The following RNF150 variants were observed in gnomAD, a reference collection of about 807,000 sequenced individuals.
RNF150 encodes ring finger protein 150.
In RNF150, 24 loss-of-function variants were observed where a neutral mutation model predicts 39.3. The ratio of observed to expected loss-of-function variants is 0.61; its 90% CI spans 0.44 to 0.86. The LOEUF is 0.86. Ranked by LOEUF, RNF150 falls within the 40% of genes least tolerant of loss-of-function variation. RNF150 has a pLI of 0.00. For synonymous variants in RNF150, 255 were observed against 227.3 expected (o/e 1.12, Z -1.10); for missense variants, 502 against 587.8 (o/e 0.85, Z 1.51).
chr4:140,917,023 A>C (rs568663508), intron 5 of RNF150, among the ~76,000 whole-genome samples: 140 of 152,324 alleles, frequency 9.2e-4, no homozygotes, highest in Middle Eastern at 3.4e-3. Flanking sequence ...GGCCTGCCCT[A>C]AAAGAGCTCC....
intron 1 of RNF150, among the ~76,000 whole-genome samples, chr4:141,062,745 C>G (rs1453587696): frequency 6.6e-6 from 1 of 151,990 alleles, no homozygotes; most frequent in Non-Finnish European, 1.5e-5. Context: ...TTGTATTATG[C>G]TGAGATTTGG....
intron 1 of RNF150, among the ~76,000 whole-genome samples, chr4:141,106,535 G>A (rs1164048146): frequency 6.6e-6 from 1 of 152,164 alleles, no homozygotes; most frequent in African/African-American, 2.4e-5. Context: ...GCTCACGCCT[G>A]TAATACCAGC....
intron 1 of RNF150, among the ~76,000 whole-genome samples, chr4:141,108,059 C>T (rs1033937849): frequency 6.6e-6 from 1 of 152,178 alleles, no homozygotes; most frequent in Non-Finnish European, 1.5e-5. Context: ...GCGTGACTCT[C>T]CTACAGTGGA....
intron 5 of RNF150, among the ~76,000 whole-genome samples, chr4:140,915,047 T>G (rs1243515795): frequency 6.6e-6 from 1 of 152,200 alleles, no homozygotes; most frequent in Non-Finnish European, 1.5e-5. Flanking sequence ...TTGATACTAT[T>G]CAAAGGAGAA....
intron 1 of RNF150, among the ~76,000 whole-genome samples, chr4:141,166,696 A>G (rs1727611467): frequency 2.0e-5 from 3 of 152,206 alleles, no homozygotes; most frequent in Admixed American, 2.0e-4. Flanking sequence ...CAAAGACCAC[A>G]TGATTATCTC....
At chr4:141,062,781 C>T (rs1208272856) in intron 1 of RNF150, among the ~76,000 whole-genome samples, 1 of 152,120 alleles carries the variant, frequency 6.6e-6, no homozygotes, top group African/African-American at 2.4e-5. Flanking sequence ...GTCACCCAGG[C>T]AATGAGCACC....
intron 1 of RNF150, among the ~76,000 whole-genome samples, chr4:141,139,751 A>T (rs1336652701): frequency 6.6e-5 from 10 of 152,216 alleles, no homozygotes; most frequent in Admixed American, 6.5e-4. Context: ...TACACAAATG[A>T]AGAAACAAAA....
chr4:141,096,738 G>T lies in RNF150; in HGVS notation c.484+35587C>A, dbSNP rs578114268. On this transcript the variant is annotated intron_variant, in intron 1 of 6. Transcript: ENST00000515673. ...ACAATCCCTCTTTTATTTTTACTCT[G>T]AACAAGGTAACACAGTGATTTACAA... Among the ~76,000 whole-genome samples, 48 of 152,244 alleles carry T rather than the reference G, an allele frequency of 3.2e-4. 1 individual carries two copies. The South Asian group carries it at 9.8e-3, about 31-fold the overall frequency.
chr4:141,132,425 G>A lies in RNF150; in HGVS notation c.384C>T (p.Tyr128=). The A allele has an allele frequency of 1.9e-6, 3 of 1,610,098 alleles. No individual in the cohort carries two copies. Among genetic ancestry groups the A allele is most frequent in the Non-Finnish European group, 2.5e-6 (3 of 1,178,672 alleles). Residue 128 remains tyrosine, a synonymous_variant, in exon 1 of 7, where the codon TAC becomes TAT. Transcript: ENST00000515673. This position sits in a 1 kb window ranked among gnomAD's most constrained non-coding sequence, Gnocchi z 4.9. ...IALIPKGNCT[Y]RDKIRNAFLQ... is the part of the protein sequence containing the mutation. ...GGAACGCGTTCCGGATCTTATCCCT[G>A]TACGTGCAGTTGCCCTTGGGGATGA...
At chr4:140,975,690 G>C (rs1185092395) in intron 1 of RNF150, among the ~76,000 whole-genome samples, 1 of 151,982 alleles carries the variant, frequency 6.6e-6, no homozygotes, top group Non-Finnish European at 1.5e-5. Context: ...CTATTTTCTG[G>C]GGAAAACCAA....
At chr4:141,036,645 C>T (rs962738998) in intron 1 of RNF150, among the ~76,000 whole-genome samples, 54 of 152,046 alleles carry the variant, frequency 3.6e-4, no homozygotes, top group Non-Finnish European at 2.2e-4. Context: ...CATCAGTGGG[C>T]TGCATGAAGG....
chr4:141,145,481 G>A (rs926802955), intron 1 of RNF150, among the ~76,000 whole-genome samples: 6 of 152,096 alleles, frequency 3.9e-5, no homozygotes, highest in African/African-American at 1.4e-4. Context: ...AATATACATA[G>A]ATCATTTCCA....
chr4:141,172,329 G>T (rs1490214419), intron 1 of RNF150, among the ~76,000 whole-genome samples: 1 of 152,100 alleles, frequency 6.6e-6, no homozygotes, highest in East Asian at 1.9e-4. Flanking sequence ...TTCTCTACAT[G>T]TCATTAGCCA....
At chr4:140,885,835 C>T (rs929437571) in intron 6 of RNF150, among the ~76,000 whole-genome samples, 2 of 152,062 alleles carry the variant, frequency 1.3e-5, no homozygotes, top group Non-Finnish European at 2.9e-5. Flanking sequence ...AACTCCTGAC[C>T]TCAAGGGATC....
chr4:141,108,878 C>T (rs372951598), intron 1 of RNF150, among the ~76,000 whole-genome samples: 2 of 152,176 alleles, frequency 1.3e-5, no homozygotes, highest in African/African-American at 4.8e-5. Context: ...TAATATGCAT[C>T]CTTAACCGCT....
chr4:140,989,770 C>A (rs1394527610), intron 1 of RNF150, among the ~76,000 whole-genome samples: 1 of 151,606 alleles, frequency 6.6e-6, no homozygotes, highest in East Asian at 1.9e-4. Context: ...ACATAAAACA[C>A]AAATCTTAAG....
chr4:141,058,400 C>T (rs1004290813), intron 1 of RNF150, among the ~76,000 whole-genome samples: 1 of 152,022 alleles, frequency 6.6e-6, no homozygotes, highest in Non-Finnish European at 1.5e-5. Context: ...ATTTTGGTAG[C>T]TTTTTAAAAT....
At chr4:141,070,879 TG>T (rs1219881259) in intron 1 of RNF150, among the ~76,000 whole-genome samples, 1 of 149,612 alleles carries the variant, frequency 6.7e-6, no homozygotes, top group Non-Finnish European at 1.5e-5. Context: ...ATCCCATTAC[TG>T]GGTATATACC....
At chr4:140,949,189 G>A in intron 3 of RNF150, 112 bp downstream of exon 3, 1 of 725,306 alleles carries the variant, frequency 1.4e-6, no homozygotes, top group Non-Finnish European at 2.3e-6. Context: ...TAGGACAACT[G>A]TTAGCATATA....
Sources: allele counts gnomAD v4.1 joint callset (sites outside exome capture counted in the v4.1 genomes callset), GRCh38; gene constraint gnomAD v4.1.1; non-coding constraint Gnocchi (gnomAD v3.1); transcripts MANE v1.5; gene names NCBI Gene and HGNC (gene_info 2026-07-23, HGNC 2026-07-21).